HSPA9: variants seen among roughly 807,000 people sequenced by gnomAD.
HSPA9 encodes the protein heat shock protein family A (Hsp70) member 9, also known as stress-70 protein, mitochondrial.
In HSPA9, 28 loss-of-function variants were observed where a neutral mutation model predicts 81.5. The observed-to-expected ratio is 0.34, with a 90% CI of 0.25 to 0.47. The LOEUF (loss-of-function observed/expected upper bound fraction) is 0.47. Among genes scored for constraint, HSPA9 ranks in the 20% least tolerant of loss-of-function variants. HSPA9 has a pLI of 1.00. For synonymous variants in HSPA9, 293 were observed against 290.4 expected, an observed-to-expected ratio of 1.01 and a Z score of -0.09; for missense variants, 678 against 838.0, an observed-to-expected ratio of 0.81 and a Z score of 2.36.
Position 138,575,308 on chromosome 5 carries a change from G to C in HSPA9, c.11C>G (p.Ala4Gly), listed in dbSNP as rs1205029053. Reference protein sequence around the residue: MISASRAAAARLVG... With the variant: MISGSRAAAARLVG... ...GAGACGGGCTGCTGCAGCTCGGCTG[G>C]CACTTATCATGGCGGATAAATGGAG... Residue 4 changes from alanine (A) to glycine (G), a missense_variant, in exon 1 of 17, where the codon GCC becomes GGC. This residue lies in a region of HSPA9 where 89 missense variants were observed against 70.4 expected (regional missense o/e 1.27). Coordinates refer to ENST00000297185, the MANE Select transcript of HSPA9 (RefSeq NM_004134.7). 1.9e-6 allele frequency: 3 copies of C among 1,611,996 alleles called. No homozygotes were observed. The highest frequency in any genetic ancestry group is 1.7e-5 in the Admixed American group (1 of 59,942).
rs772044929 is a variant in HSPA9, at chr5:138,556,573, T to C, written c.1841A>G (p.Glu614Gly). The C allele has an allele frequency of 3.1e-6, 5 of 1,613,968 alleles. No homozygotes were observed. Among genetic ancestry groups the C allele is most frequent in the African/African-American group, 1.3e-5 (1 of 74,922 alleles). Reference protein sequence around the residue: ...PADECNKLKEEISKMRELLAR... With the variant: ...PADECNKLKEGISKMRELLAR... ...CAGGAGCTCCCTCATTTTGGAAATC[T>C]CTTCTTTCAGCTTGTTGCACTTAAA... The change falls in exon 16 of 17, where the codon GAG becomes GGG. Residue 614 changes from glutamate to glycine, a missense_variant. Transcript: ENST00000297185.
intron 10 of HSPA9, chr5:138,561,151 T>C (rs377590307): frequency 1.4e-4 from 61 of 449,658 alleles, no homozygotes; most frequent in Middle Eastern, 1.2e-3. Context: ...CAAAGACACA[T>C]GTACAAAGAT....
In HSPA9 at chr5:138,567,833, T is replaced by C. The variant is rs183090076; in HGVS notation, c.536-111A>G. The C allele has an allele frequency of 6.6e-3, 5,327 of 809,072 alleles. 127 individuals carry two copies. The highest frequency in any genetic ancestry group is 0.042 in the South Asian group (2,908 of 69,038). The allele number at this position is 809,072 out of a possible 1,614,324, so 50.1% of individuals were successfully genotyped here. A position where few individuals can be genotyped will look rare whatever the true frequency, so the allele number is the denominator to read the frequency against. On this transcript the variant is annotated intron_variant, in intron 5 of 16. Coordinates refer to ENST00000297185, the MANE Select transcript of HSPA9 (RefSeq NM_004134.7). ...CCACAGACAACATTCTTCAGTCTTT[T>C]GGTAAGTGACCTAATATGTCCTTGC...
rs938556479 is a variant in HSPA9 at position 138,555,516 on chromosome 5, TAA to T, written c.*519_*520del. On this transcript the variant is annotated 3_prime_UTR_variant, in exon 17 of 17. Coordinates refer to ENST00000297185, the MANE Select transcript of HSPA9 (RefSeq NM_004134.7). ...AATAGCTGTACCTAATATAAATAGCTAAGTTTCCCATTGTTCTAGATTCCTCT... is the reference window on the plus strand; with the variant it reads ...AATAGCTGTACCTAATATAAATAGCTGTTTCCCATTGTTCTAGATTCCTCT... 18 of 173,256 alleles carry T rather than the reference TAA, an allele frequency of 1.0e-4. No individual in the cohort carries two copies. Among genetic ancestry groups the T allele is most frequent in the African/African-American group, 4.3e-4 (18 of 41,608 alleles). The allele number at this position is 173,256 out of a possible 1,614,324, so 10.7% of individuals were successfully genotyped here.
rs148996600 is a variant in HSPA9, at chr5:138,574,385, T to C, written c.82-259A>G. Among the ~76,000 whole-genome samples, 531 of 152,278 alleles carry C rather than the reference T, an allele frequency of 3.5e-3. 4 individuals are homozygous for C. The highest frequency in any genetic ancestry group is 0.012 in the African/African-American group (488 of 41,556). ...GGGCTGTTCTGTGCATTGTAGGATATACAGCAGCATCCCTGGCCTCGACAC... is the reference window on the plus strand; with the variant it reads ...GGGCTGTTCTGTGCATTGTAGGATACACAGCAGCATCCCTGGCCTCGACAC... On this transcript the variant is annotated intron_variant, in intron 1 of 16. Transcript: ENST00000297185.
chr5:138,573,884 G>A, intron 2 of HSPA9, 34 bp from the exon 3 acceptor site: 3 of 1,538,314 alleles, frequency 2.0e-6, no homozygotes, highest in Non-Finnish European at 2.7e-6. Context: ...CACAGCTATT[G>A]TTATCTTGAT....
chr5:138,560,159 C>G, intron 10 of HSPA9, 68 bp from the exon 11 acceptor site: 7 of 1,105,274 alleles, frequency 6.3e-6, no homozygotes, highest in Non-Finnish European at 9.6e-6. Flanking sequence ...CAAAAGGGAG[C>G]ACGTGTCCTA....
At chr5:138,562,159 G>A (rs1561858398) in intron 9 of HSPA9, among the ~76,000 whole-genome samples, 2 of 150,796 alleles carry the variant, frequency 1.3e-5, no homozygotes, top group Admixed American at 6.6e-5. Context: ...GGATGGTCTC[G>A]ATCTCTTGAC....
In HSPA9 at chr5:138,571,253, T is replaced by G. The variant is rs980988841; in HGVS notation, c.229-112A>C. The stretch of plus-strand genomic sequence containing the variant: ...TGGAGTACAATGGCACAATCTTGGC[T>G]CACTGCAACCTCCGCATCCTGGGTT... On this transcript the variant is annotated intron_variant, in intron 3 of 16. Coordinates refer to ENST00000297185, the MANE Select transcript of HSPA9 (RefSeq NM_004134.7). 6.5e-6 allele frequency: 7 copies of G among 1,072,208 alleles called. No individual in the cohort carries two copies. The South Asian group carries it at 8.0e-5, about 12-fold the overall frequency. The allele number at this position is 1,072,208 out of a possible 1,614,324, so 66.4% of individuals were successfully genotyped here.
intron 4 of HSPA9, among the ~76,000 whole-genome samples, chr5:138,569,930 A>G (rs191693326): frequency 2.7e-5 from 4 of 148,922 alleles, no homozygotes; most frequent in African/African-American, 7.4e-5. Context: ...TTTCACTGCT[A>G]TTACTCAGAC....
chr5:138,559,796 G>A (rs1192692239), intron 11 of HSPA9, 68 bp downstream of exon 11: 4 of 1,031,852 alleles, frequency 3.9e-6, no homozygotes, highest in Admixed American at 3.5e-5. Context: ...ACTCATGAAA[G>A]TGGCTGCAAT....
intron 3 of HSPA9, among the ~76,000 whole-genome samples, chr5:138,571,701 C>T (rs1021247985): frequency 6.7e-6 from 1 of 149,560 alleles, no homozygotes; most frequent in Non-Finnish European, 1.5e-5. Context: ...GACTGGAGTG[C>T]AGTGGCGCGA....
Position 138,557,417 on chromosome 5 carries a change from T to G in HSPA9, c.1713A>C (p.Glu571Asp), listed in dbSNP as rs111896014. The change falls in exon 14 of 17, where the codon GAA becomes GAC. Residue 571 changes from glutamate (E) to aspartate (D), a missense_variant. Around this residue, in one of 4 missense-constraint regions of HSPA9, gnomAD observed 484 missense variants for 647.5 expected, o/e 0.75. Transcript: ENST00000297185. ...MVKNAEKYAE[E>D]DRRKKERVEA... ...AAGTAATCACCTTCTTTCGCCGGTC[T>G]TCTTCAGCATATTTCTCTGCATTTT... 2.5e-5 allele frequency: 40 copies of G among 1,607,358 alleles called. No homozygotes were observed. The highest frequency in any genetic ancestry group is 8.3e-5 in the Admixed American group (5 of 59,890).
Position 138,573,754 on chromosome 5 carries a change from C to G in HSPA9, c.228+9G>C, listed in dbSNP as rs377069038. On this transcript the variant is annotated intron_variant, in intron 3 of 16. Coordinates refer to ENST00000297185, the MANE Select transcript of HSPA9 (RefSeq NM_004134.7). The stretch of plus-strand genomic sequence containing the variant: ...TCTGGATAAGGTACTAGTTATCAAT[C>G]ATGCTCACCTTTGCTTGTTTACCTT... 3.3e-4 allele frequency: 497 copies of G among 1,520,640 alleles called. 1 individual carries two copies. Among genetic ancestry groups the G allele is most frequent in the Non-Finnish European group, 4.4e-4 (483 of 1,110,302 alleles). 94.2% of individuals were successfully genotyped at this position (1,520,640 alleles called of 1,614,324 possible).
chr5:138,558,447 G>C lies in HSPA9; in HGVS notation c.1515+106C>G. The C allele has an allele frequency of 7.5e-6, 6 of 795,286 alleles. No individual in the cohort carries two copies. The South Asian group carries it at 8.3e-5, about 11-fold the overall frequency. The allele number at this position is 795,286 out of a possible 1,614,324, so 49.3% of individuals were successfully genotyped here. ...CATCCCTTCTTCTCAAGACTACTCA[G>C]TATGTATGTGTATGCCAGCAGTTTA... On this transcript the variant is annotated intron_variant, in intron 12 of 16. Transcript: ENST00000297185.
At chr5:138,573,469 C>T (rs1010606803) in intron 3 of HSPA9, among the ~76,000 whole-genome samples, 2 of 151,908 alleles carry the variant, frequency 1.3e-5, no homozygotes, top group African/African-American at 2.4e-5. Context: ...CTGGCCAACA[C>T]AGTGGAACTG....
Position 138,561,584 on chromosome 5 carries a change from G to C in HSPA9, c.1178C>G (p.Pro393Arg), listed in dbSNP as rs754137313. 24 of 1,612,064 alleles carry C rather than the reference G, an allele frequency of 1.5e-5. No homozygotes were observed. The East Asian group carries it at 5.3e-4, about 36-fold the overall frequency. The change falls in exon 10 of 17, where the codon CCC becomes CGC. Residue 393 changes from proline to arginine, a missense_variant. Pro to Arg is a moderately radical substitution (Grantham distance 103). Transcript: ENST00000297185. ...CAGAATTCCACTGGTCCATACCTTG[G>C]GCATCCTAGTCATGCCACCCACAAG... ...VILVGGMTRM[P>R]KVQQTVQDLF...
At chr5:138,568,856 A>G in intron 5 of HSPA9, 69 bp downstream of exon 5, 4 of 1,535,146 alleles carry the variant, frequency 2.6e-6, no homozygotes, top group Non-Finnish European at 3.6e-6. Context: ...GCTGGAGCAC[A>G]GGGAGCTAGT....
intron 1 of HSPA9, 110 bp from the exon 2 acceptor site, chr5:138,574,236 A>G: frequency 3.9e-6 from 3 of 763,982 alleles, no homozygotes; most frequent in Non-Finnish European, 4.6e-6. Context: ...CTAAAACAGT[A>G]AATATTAAAG....
Sources: allele counts gnomAD v4.1 joint callset (sites outside exome capture counted in the v4.1 genomes callset), GRCh38; gene constraint gnomAD v4.1.1; regional missense constraint gnomAD v4.1.1; transcripts MANE v1.5; gene names NCBI Gene and HGNC (gene_info 2026-07-23, HGNC 2026-07-21).